PYROXD1: variants seen among roughly 807,000 people sequenced by gnomAD.
The protein encoded by PYROXD1 is pyridine nucleotide-disulphide oxidoreductase domain 1.
Under a neutral mutation model 62.0 loss-of-function variants are expected in PYROXD1, and 42 were observed. The observed-to-expected ratio is 0.68, with a 90% CI of 0.53 to 0.88. PYROXD1 has a LOEUF of 0.88. Among genes scored for constraint, PYROXD1 ranks in the 40% least tolerant of loss-of-function variants. The probability of loss-of-function intolerance (pLI) is 0.00; values close to 1 mark genes in which losing one functional copy is unlikely to be tolerated. For synonymous variants in PYROXD1, 170 were observed against 206.4 expected (o/e 0.82, Z 1.51); for missense variants, 493 against 604.8 (o/e 0.82, Z 1.94).
chr12:21,469,917 TAAGA>T lies in PYROXD1; in HGVS notation c.*1164_*1167del. 2 of 291,706 alleles carry T rather than the reference TAAGA, an allele frequency of 6.9e-6. No individual in the cohort carries two copies. The highest frequency in any genetic ancestry group is 6.2e-6 in the Non-Finnish European group (1 of 160,150). 18.1% of individuals were successfully genotyped at this position (291,706 alleles called of 1,614,324 possible). A position where few individuals can be genotyped will look rare whatever the true frequency, so the allele number is the denominator to read the frequency against. On this transcript the variant is annotated 3_prime_UTR_variant, in exon 12 of 12. Coordinates refer to ENST00000240651, the MANE Select transcript of PYROXD1 (RefSeq NM_024854.5). ...TAAGTATATAAAGGCATAAAAAACT[TAAGA>T]CGATTGTATGAACTTATTCTCAAAT... is the stretch of plus-strand genomic sequence containing the variant.
At position 21,470,155 on chromosome 12, in the gene PYROXD1, A is replaced by G. The variant is rs1045457055; in HGVS notation, c.*1401A>G. ...TACAAAAATAATGGCATATACATGC[A>G]TAAACCATCTTTAATTAGAAAATTT... On this transcript the variant is annotated 3_prime_UTR_variant, in exon 12 of 12. Coordinates refer to ENST00000240651, the MANE Select transcript of PYROXD1 (RefSeq NM_024854.5). 2 of 1,607,206 alleles carry G rather than the reference A, an allele frequency of 1.2e-6. No homozygotes were observed. Among genetic ancestry groups the G allele is most frequent in the Non-Finnish European group, 1.7e-6 (2 of 1,176,806 alleles).
chr12:21,466,465 TTGTC>T (rs1942795715), intron 10 of PYROXD1, among the ~76,000 whole-genome samples: 2 of 151,826 alleles, frequency 1.3e-5, no homozygotes, highest in South Asian at 4.2e-4. Flanking sequence ...TTGGCTCTGT[TTGTC>T]TGTTGTTGGT....
At chr12:21,451,694 A>G (rs1474590322) in intron 4 of PYROXD1, among the ~76,000 whole-genome samples, 1 of 152,154 alleles carries the variant, frequency 6.6e-6, no homozygotes, top group East Asian at 1.9e-4. Flanking sequence ...TCTCATTCCT[A>G]GAAGTTTTAA....
chr12:21,460,962 CATT>C (rs1555141613), intron 7 of PYROXD1, 60 bp from the exon 8 acceptor site: 2 of 1,051,686 alleles, frequency 1.9e-6, no homozygotes, highest in Non-Finnish European at 2.6e-6. Flanking sequence ...TTTTCTTCAT[CATT>C]AGTAACCCGG....
chr12:21,459,168 C>A (rs1253017334), intron 7 of PYROXD1, among the ~76,000 whole-genome samples: 3 of 152,112 alleles, frequency 2.0e-5, no homozygotes, highest in African/African-American at 7.2e-5. Flanking sequence ...CAGGAAAGAC[C>A]AAGACATGAT....
intron 7 of PYROXD1, 37 bp downstream of exon 7, chr12:21,456,132 T>C (rs1942592611): frequency 8.0e-7 from 1 of 1,246,280 alleles, no homozygotes; most frequent in Non-Finnish European, 1.2e-6. Context: ...TGTCTAAATG[T>C]AATTTTAAAT....
chr12:21,450,814 T>C (rs74067171), intron 4 of PYROXD1, among the ~76,000 whole-genome samples: 2,242 of 152,328 alleles, frequency 0.015, 44 homozygotes, highest in African/African-American at 0.047. Context: ...ATAACTGTTT[T>C]AGCTCGGTCC....
rs116669627 is a variant in PYROXD1, at chr12:21,443,509, C to T, written c.166-1838C>T. Among the ~76,000 whole-genome samples the T allele has an allele frequency of 6.9e-3, 1,058 of 152,248 alleles. 13 individuals carry two copies. Among genetic ancestry groups the T allele is most frequent in the African/African-American group, 0.021 (854 of 41,548 alleles). The stretch of plus-strand genomic sequence containing the variant: ...GGTAATAGTATCATAGAAAAGTCAT[C>T]TCCAAACTTTTTTTTTCCTGTAGCT... On this transcript the variant is annotated intron_variant, in intron 2 of 11. Transcript: ENST00000240651.
chr12:21,468,678 T>G lies in PYROXD1; in HGVS notation c.1427T>G (p.Leu476Ter), dbSNP rs367830548. 2 of 1,611,820 alleles carry G rather than the reference T, an allele frequency of 1.2e-6. No homozygotes were observed. The highest frequency in any genetic ancestry group is 1.3e-5 in the African/African-American group (1 of 74,832). Reference protein sequence around the residue: ...DLEETFENLILNQMNLSSYGE... With the variant: ...DLEETFENLI ...GAAGAAACATTTGAAAACCTAATCT[T>G]AAACCAAATGAATCTTTCATCATAT... is the stretch of plus-strand genomic sequence containing the variant. Residue 476 changes from leucine to a stop codon, truncating the protein, a stop_gained, in exon 12 of 12, where the codon TTA (leucine) becomes TGA (stop). Coordinates refer to ENST00000240651, the MANE Select transcript of PYROXD1 (RefSeq NM_024854.5). LOFTEE classifies it high-confidence loss of function.
At chr12:21,450,555 T>A (rs7133853) in intron 4 of PYROXD1, among the ~76,000 whole-genome samples, 1 of 151,920 alleles carries the variant, frequency 6.6e-6, no homozygotes, top group African/African-American at 2.4e-5. Flanking sequence ...GTAATTTAAT[T>A]TAATTCAGGG....
rs187489649 is a variant in PYROXD1, at chr12:21,449,070, T to C, written c.286-493T>C. ...TAACCTCTTGTTCCACTCACTGCTT[T>C]TCTGTACTCATAATAGATATGAAGG... On this transcript the variant is annotated intron_variant, in intron 3 of 11. Transcript: ENST00000240651. Among the ~76,000 whole-genome samples the C allele has an allele frequency of 2.8e-3, 421 of 152,268 alleles. 3 individuals are homozygous for C. Among genetic ancestry groups the C allele is most frequent in the African/African-American group, 9.5e-3 (394 of 41,566 alleles).
intron 10 of PYROXD1, among the ~76,000 whole-genome samples, chr12:21,466,887 G>A (rs1038703116): frequency 2.0e-5 from 3 of 152,054 alleles, no homozygotes; most frequent in African/African-American, 7.2e-5. Context: ...TTTGTCAAAG[G>A]CCGTGTTCTT....
intron 1 of PYROXD1, chr12:21,438,061 C>T (rs1163198113): frequency 1.8e-5 from 10 of 557,222 alleles, no homozygotes; most frequent in African/African-American, 1.3e-4. Context: ...CTGGCTGATC[C>T]GTGCTCAGAT....
chr12:21,450,090 C>T (rs1479657226), intron 4 of PYROXD1, among the ~76,000 whole-genome samples: 4 of 150,282 alleles, frequency 2.7e-5, no homozygotes, highest in Non-Finnish European at 1.5e-5. Flanking sequence ...AGGATGGTCT[C>T]GATCTCCTGA....
intron 2 of PYROXD1, among the ~76,000 whole-genome samples, chr12:21,442,404 G>T (rs923563771): frequency 6.6e-6 from 1 of 152,226 alleles, no homozygotes; most frequent in Non-Finnish European, 1.5e-5. Flanking sequence ...AGTTACAGCA[G>T]CTTCAGTGTC....
rs567723722 is a variant in PYROXD1, at chr12:21,462,142, C to T, written c.993+22C>T. On this transcript the variant is annotated intron_variant, in intron 9 of 11. Transcript: ENST00000240651. The stretch of plus-strand genomic sequence containing the variant: ...CAGTGTAAGGTGAAATTTTTTTGTC[C>T]AGCTGTGAATATATTTGAAGTATTT... 377 of 1,376,368 alleles carry T rather than the reference C, an allele frequency of 2.7e-4. 2 individuals carry two copies. The South Asian group carries it at 4.2e-3, about 15-fold the overall frequency. The allele number at this position is 1,376,368 out of a possible 1,614,324, so 85.3% of individuals were successfully genotyped here. A position where few individuals can be genotyped will look rare whatever the true frequency, so the allele number is the denominator to read the frequency against.
chr12:21,462,253 A>T, intron 9 of PYROXD1, 133 bp downstream of exon 9: 1 of 606,774 alleles, frequency 1.6e-6, no homozygotes. Context: ...CAGTTTGGTT[A>T]AAACATTGTC....
At position 21,470,338 on chromosome 12, in the gene PYROXD1, C is replaced by T. The variant is rs1470698311; in HGVS notation, c.*1584C>T. Reference sequence around the variant, plus strand: ...CTTGTTCAGAATGACAAGTTTGAGACGATTCAGCCTACAAAAAAAAAAAAA... The same window carrying T: ...CTTGTTCAGAATGACAAGTTTGAGATGATTCAGCCTACAAAAAAAAAAAAA... On this transcript the variant is annotated 3_prime_UTR_variant, in exon 12 of 12. Transcript: ENST00000240651. 34 of 1,394,518 alleles carry T rather than the reference C, an allele frequency of 2.4e-5. No homozygotes were observed. Among genetic ancestry groups the T allele is most frequent in the Middle Eastern group, 2.2e-4 (1 of 4,478 alleles). 86.4% of individuals were successfully genotyped at this position (1,394,518 alleles called of 1,614,324 possible).
intron 3 of PYROXD1, among the ~76,000 whole-genome samples, chr12:21,446,894 A>T (rs1247000691): frequency 6.6e-6 from 1 of 152,102 alleles, no homozygotes; most frequent in Non-Finnish European, 1.5e-5. Context: ...CAGCCTGGGC[A>T]ACAGAGTGAG....
Sources: allele counts gnomAD v4.1 joint callset (sites outside exome capture counted in the v4.1 genomes callset), GRCh38; gene constraint gnomAD v4.1.1; transcripts MANE v1.5; gene names NCBI Gene and HGNC (gene_info 2026-07-23, HGNC 2026-07-21).